The following PRCD variants were observed in gnomAD, a reference collection of about 807,000 sequenced individuals.
The protein encoded by PRCD is photoreceptor disk component PRCD.
PRCD carries 12 observed loss-of-function variants against 10.1 expected under a neutral mutation model. The ratio of observed to expected loss-of-function variants is 1.18; its 90% CI spans 0.76 to 1.92. PRCD has a LOEUF of 1.92. PRCD is among the 40% of genes most tolerant of loss of function. PRCD has a pLI of 0.00. For missense variants in PRCD, 61 were observed against 72.2 expected (o/e 0.84, Z 0.56); for synonymous variants, 31 against 26.2 (o/e 1.18, Z -0.56).
chr17:76,534,176 CTTTCTT>C (rs1257970058), intron 1 of PRCD, among the ~76,000 whole-genome samples: 5 of 126,122 alleles, frequency 4.0e-5, no homozygotes, highest in Admixed American at 8.7e-5. Context: ...CTCTCTCTCT[CTTTCTT>C]TCTTTCTTTC....
In PRCD at chr17:76,531,246, G is replaced by A. The variant is rs2074837239; in HGVS notation, n.45+3413G>A. ...TGTGGCCGAGAGGATCATTCCTAAC[G>A]CAACAGTCTGGCAGCTTTGGGAACC... On this transcript the variant is annotated intron_variant and non_coding_transcript_variant, in intron 1 of 4. Transcript: ENST00000397633. The surrounding 1 kb of genome is among the most constrained non-coding windows in gnomAD (Gnocchi z 7.4). 18 of 1,338,210 alleles carry A rather than the reference G, an allele frequency of 1.3e-5. No individual in the cohort carries two copies. Among genetic ancestry groups the A allele is most frequent in the Admixed American group, 2.2e-5 (1 of 44,862 alleles). The allele number at this position is 1,338,210 out of a possible 1,614,324, so 82.9% of individuals were successfully genotyped here.
chr17:76,552,192 T>G (rs948400148), intron 1 of PRCD: 1 of 152,170 alleles, frequency 6.6e-6, no homozygotes, highest in Admixed American at 6.5e-5. Context: ...AAATCTCACT[T>G]TTTATTTATT....
chr17:76,546,047 A>C (rs2075049948), downstream of PRCD: 1 of 152,832 alleles, frequency 6.5e-6, no homozygotes, highest in Non-Finnish European at 1.5e-5. The surrounding 1 kb of genome is among the most constrained non-coding windows in gnomAD (Gnocchi z 4.5). Flanking sequence ...GGTGACCTCG[A>C]CCTGGACAGC....
chr17:76,528,210 G>A lies in PRCD; in HGVS notation n.45+377G>A. Reference sequence around the variant, plus strand: ...AGATGTGTGCGTGATACTCTAGATGGTGATGTGGAGACCTGCATGCTGGCC... The same window carrying A: ...AGATGTGTGCGTGATACTCTAGATGATGATGTGGAGACCTGCATGCTGGCC... On this transcript the variant is annotated intron_variant and non_coding_transcript_variant, in intron 1 of 4. Coordinates refer to the PRCD transcript ENST00000397633. The surrounding 1 kb of genome is among the most constrained non-coding windows in gnomAD (Gnocchi z 5.8). The A allele has an allele frequency of 2.5e-6, 1 of 398,184 alleles. No homozygotes were observed. Among genetic ancestry groups the A allele is most frequent in the Non-Finnish European group, 4.4e-6 (1 of 226,418 alleles). 24.7% of individuals were successfully genotyped at this position (398,184 alleles called of 1,614,324 possible).
Position 76,530,118 on chromosome 17 carries a change from C to T in PRCD, n.45+2285C>T. 1 of 982,094 alleles carries T rather than the reference C, an allele frequency of 1.0e-6. No individual in the cohort carries two copies. Among genetic ancestry groups the T allele is most frequent in the Non-Finnish European group, 1.2e-6 (1 of 828,424 alleles). The allele number at this position is 982,094 out of a possible 1,614,324, so 60.8% of individuals were successfully genotyped here. On this transcript the variant is annotated intron_variant and non_coding_transcript_variant, in intron 1 of 4. Transcript: ENST00000397633. The surrounding 1 kb of genome is among the most constrained non-coding windows in gnomAD (Gnocchi z 6.1). The stretch of plus-strand genomic sequence containing the variant: ...GAAACTGCTGGGAATGTTTCTCTAC[C>T]ACGGGAATGTTTCTCTACCACGCGT...
rs746405400 is a variant in PRCD, at chr17:76,531,729, G to T, written n.45+3896G>T. ...ACAGGGGTGGTCGCTGAAGCTGGAGGCTGCCTCGGGCCCACCCTGAAGCTT... is the reference window on the plus strand; with the variant it reads ...ACAGGGGTGGTCGCTGAAGCTGGAGTCTGCCTCGGGCCCACCCTGAAGCTT... On this transcript the variant is annotated intron_variant and non_coding_transcript_variant, in intron 1 of 4. Coordinates refer to the PRCD transcript ENST00000397633. The surrounding 1 kb of genome is among the most constrained non-coding windows in gnomAD (Gnocchi z 7.4). 1 of 1,536,542 alleles carries T rather than the reference G, an allele frequency of 6.5e-7. No homozygotes were observed. The highest frequency in any genetic ancestry group is 8.9e-7 in the Non-Finnish European group (1 of 1,127,830).
At chr17:76,541,921 T>C (rs1204937155) in intron 2 of PRCD, among the ~76,000 whole-genome samples, 2 of 152,216 alleles carry the variant, frequency 1.3e-5, no homozygotes, top group Non-Finnish European at 2.9e-5. Flanking sequence ...TGCAGAGTGA[T>C]TGCTCCATAA....
chr17:76,530,501 C>T lies in PRCD; in HGVS notation n.45+2668C>T, dbSNP rs775787479. Among the ~76,000 whole-genome samples the T allele has an allele frequency of 1.3e-5, 2 of 152,152 alleles. No homozygotes were observed. The highest frequency in any genetic ancestry group is 2.4e-5 in the African/African-American group (1 of 41,420). ...GTGTGTGTGTGTGTGTATGTGTCCT[C>T]GTGATCCTCCGGGCTCTAGCCCTAT... is the stretch of plus-strand genomic sequence containing the variant. On this transcript the variant is annotated intron_variant and non_coding_transcript_variant, in intron 1 of 4. Coordinates refer to the PRCD transcript ENST00000397633. This position sits in a 1 kb window ranked among gnomAD's most constrained non-coding sequence, Gnocchi z 6.1.
upstream of PRCD, among the ~76,000 whole-genome samples, chr17:76,539,299 G>A (rs113835691): frequency 4.0e-5 from 6 of 151,868 alleles, 1 homozygote; most frequent in African/African-American, 1.2e-4. Flanking sequence ...AGGAGAAATC[G>A]TGTAACTATT....
rs529465191 is a variant in PRCD, at chr17:76,528,359, G to A, written n.45+526G>A. 4 of 414,646 alleles carry A rather than the reference G, an allele frequency of 9.6e-6. No homozygotes were observed. The highest frequency in any genetic ancestry group is 2.0e-4 in the South Asian group (2 of 9,996). 25.7% of individuals were successfully genotyped at this position (414,646 alleles called of 1,614,324 possible). A position where few individuals can be genotyped will look rare whatever the true frequency, so the allele number is the denominator to read the frequency against. ...AGAAAAGCTAAGAAGAGTGGGCCCCGCTCTGCCCGCCGCGCTGGGGTCAGC... is the reference window on the plus strand; with the variant it reads ...AGAAAAGCTAAGAAGAGTGGGCCCCACTCTGCCCGCCGCGCTGGGGTCAGC... On this transcript the variant is annotated intron_variant and non_coding_transcript_variant, in intron 1 of 4. Coordinates refer to the PRCD transcript ENST00000397633. The surrounding 1 kb of genome is among the most constrained non-coding windows in gnomAD (Gnocchi z 5.8).
rs998389483 is a variant in PRCD, at chr17:76,528,924, G to A, written n.45+1091G>A. ...ACTGCAAAGCACGATACCAATGTGA[G>A]CTCTTTTTCCATTAATTCTGAAACG... On this transcript the variant is annotated intron_variant and non_coding_transcript_variant, in intron 1 of 4. Coordinates refer to the PRCD transcript ENST00000397633. This position sits in a 1 kb window ranked among gnomAD's most constrained non-coding sequence, Gnocchi z 5.8. 3 of 1,158,730 alleles carry A rather than the reference G, an allele frequency of 2.6e-6. No individual in the cohort carries two copies. The highest frequency in any genetic ancestry group is 3.2e-5 in the African/African-American group (2 of 62,848). 71.8% of individuals were successfully genotyped at this position (1,158,730 alleles called of 1,614,324 possible).
At position 76,545,334 on chromosome 17, in the gene PRCD, G is replaced by A. The variant is rs1353994240; in HGVS notation, c.*1684G>A. 2 of 456,632 alleles carry A rather than the reference G, an allele frequency of 4.4e-6. No homozygotes were observed. The highest frequency in any genetic ancestry group is 6.9e-5 in the East Asian group (1 of 14,414). The allele number at this position is 456,632 out of a possible 1,614,324, so 28.3% of individuals were successfully genotyped here. A position where few individuals can be genotyped will look rare whatever the true frequency, so the allele number is the denominator to read the frequency against. On this transcript the variant is annotated 3_prime_UTR_variant, in exon 5 of 5. Coordinates refer to ENST00000592014, the MANE Select transcript of PRCD (RefSeq NM_001077620.3). ...TTAGTGTGAAGCTCAGGGCAAGGGTGGACCTTTAAATGGGGGAATTAAATC... is the reference window on the plus strand; with the variant it reads ...TTAGTGTGAAGCTCAGGGCAAGGGTAGACCTTTAAATGGGGGAATTAAATC...
upstream of PRCD, chr17:76,537,421 A>C: frequency 6.3e-7 from 1 of 1,597,604 alleles, no homozygotes; most frequent in Non-Finnish European, 8.5e-7. Flanking sequence ...GGCCACCCCC[A>C]CGTCCTCGCA....
rs772408226 is a variant in PRCD at position 76,531,528 on chromosome 17, A to T, written n.45+3695A>T. On this transcript the variant is annotated intron_variant and non_coding_transcript_variant, in intron 1 of 4. Coordinates refer to the PRCD transcript ENST00000397633. The surrounding 1 kb of genome is among the most constrained non-coding windows in gnomAD (Gnocchi z 7.4). ...TTCCCCACAAGGGCGAGCACAGAGG[A>T]CACCTTGTCGGGGTCATGCAGGTTC... is the stretch of plus-strand genomic sequence containing the variant. 6.2e-7 allele frequency: 1 copy of T among 1,613,978 alleles called. No individual in the cohort carries two copies. Among genetic ancestry groups the T allele is most frequent in the African/African-American group, 1.3e-5 (1 of 74,930 alleles).
chr17:76,537,308 C>T (rs1353708121), upstream of PRCD: 4 of 1,350,068 alleles, frequency 3.0e-6, no homozygotes, highest in Non-Finnish European at 2.9e-6. Context: ...GGGGAGGTGG[C>T]GCTGGAGCTC....
chr17:76,544,605 G>GC lies in PRCD; in HGVS notation c.*958dup. 1 of 456,754 alleles carries GC rather than the reference G, an allele frequency of 2.2e-6. No individual in the cohort carries two copies. The highest frequency in any genetic ancestry group is 4.4e-6 in the Non-Finnish European group (1 of 226,972). 28.3% of individuals were successfully genotyped at this position (456,754 alleles called of 1,614,324 possible). On this transcript the variant is annotated 3_prime_UTR_variant, in exon 5 of 5. Coordinates refer to ENST00000592014, the MANE Select transcript of PRCD (RefSeq NM_001077620.3). ...AGCGCCAGCCTGACCCAGGCCGTGA[G>GC]CCCGTGATCGCCTGTCTCAGCTCCT...
chr17:76,544,919 G>T lies in PRCD; in HGVS notation c.*1269G>T. The T allele has an allele frequency of 2.2e-6, 1 of 456,780 alleles. No individual in the cohort carries two copies. The highest frequency in any genetic ancestry group is 4.4e-6 in the Non-Finnish European group (1 of 226,978). 28.3% of individuals were successfully genotyped at this position (456,780 alleles called of 1,614,324 possible). On this transcript the variant is annotated 3_prime_UTR_variant, in exon 5 of 5. Transcript: ENST00000592014. ...CCACGCCACTGTTCCGAGAACCTGC[G>T]CAGGAGGTGGTGGCTGCTCCAGGGA...
intron 1 of PRCD, among the ~76,000 whole-genome samples, chr17:76,534,963 A>C (rs4647879): frequency 6.6e-6 from 1 of 152,124 alleles, no homozygotes; most frequent in Admixed American, 6.5e-5. Context: ...AGGAGCCTCC[A>C]CAGCCAGCCC....
chr17:76,539,888 C>T (rs1598210745), upstream of PRCD: 4 of 583,390 alleles, frequency 6.9e-6, no homozygotes, highest in East Asian at 2.8e-5. Context: ...ATCGAGACTC[C>T]GAATACGTGC....
Sources: gnomAD v4.1 joint callset for allele counts (sites outside exome capture counted in the v4.1 genomes callset) on GRCh38, gnomAD v4.1.1 for gene constraint, Gnocchi (gnomAD v3.1) non-coding constraint, MANE v1.5 for transcripts, NCBI Gene and HGNC (gene_info 2026-07-23, HGNC 2026-07-21) for gene names.